The following TUBGCP3 variants were observed in gnomAD, a reference collection of about 807,000 sequenced individuals.
The protein encoded by TUBGCP3 is gamma-tubulin complex component 3.
Under a neutral mutation model 123.1 loss-of-function variants are expected in TUBGCP3, and 50 were observed. That is an observed-to-expected ratio of 0.41 (90% CI 0.32 to 0.51). TUBGCP3 has a LOEUF of 0.51. TUBGCP3 is among the 20% of genes least tolerant of loss of function. The probability of loss-of-function intolerance (pLI) is 0.36; values close to 1 mark genes in which losing one functional copy is unlikely to be tolerated. For missense variants in TUBGCP3, 882 were observed against 1,127.0 expected (o/e 0.78, Z 3.11); for synonymous variants, 405 against 413.9 (o/e 0.98, Z 0.26).
chr13:112,545,621 G>A lies in TUBGCP3; in HGVS notation c.1335+78C>T. On this transcript the variant is annotated intron_variant, in intron 11 of 21. Coordinates refer to ENST00000261965, the MANE Select transcript of TUBGCP3 (RefSeq NM_006322.6). The surrounding 1 kb of genome is among the most constrained non-coding windows in gnomAD (Gnocchi z 4.1). ...CCTGTTAGGAGAACATGGTAATCATGAGGGGAAAAATGAAACAGCATAACT... is the reference window on the plus strand; with the variant it reads ...CCTGTTAGGAGAACATGGTAATCATAAGGGGAAAAATGAAACAGCATAACT... The A allele has an allele frequency of 6.5e-7, 1 of 1,529,328 alleles. No homozygotes were observed. 94.7% of individuals were successfully genotyped at this position (1,529,328 alleles called of 1,614,324 possible).
At chr13:112,498,958 A>C (rs1483728136) in intron 20 of TUBGCP3, 87 bp downstream of exon 20, 4 of 1,614,218 alleles carry the variant, frequency 2.5e-6, no homozygotes, top group Admixed American at 1.7e-5. Flanking sequence ...TTTTGGCAAG[A>C]AAGTTATTTG....
At chr13:112,505,261 G>A (rs1881214469) in intron 17 of TUBGCP3, among the ~76,000 whole-genome samples, 1 of 152,226 alleles carries the variant, frequency 6.6e-6, no homozygotes, top group Admixed American at 6.5e-5. Context: ...TCACCACAGA[G>A]CACAGTTCTC....
chr13:112,523,784 G>A lies in TUBGCP3; in HGVS notation c.1556-1275C>T, dbSNP rs745340945. Among the ~76,000 whole-genome samples, 17 of 152,250 alleles carry A rather than the reference G, an allele frequency of 1.1e-4. No homozygotes were observed. The East Asian group carries it at 1.3e-3, about 12-fold the overall frequency. On this transcript the variant is annotated intron_variant, in intron 13 of 21. Transcript: ENST00000261965. Reference sequence around the variant, plus strand: ...CTCCTTCAGGGTTGAGGCATCTCTCGTGCTCAGTTTTTAAATTTTCACTAT... The same window carrying A: ...CTCCTTCAGGGTTGAGGCATCTCTCATGCTCAGTTTTTAAATTTTCACTAT...
At chr13:112,517,935 T>G (rs186395271) in intron 16 of TUBGCP3, among the ~76,000 whole-genome samples, 1 of 152,304 alleles carries the variant, frequency 6.6e-6, no homozygotes, top group Admixed American at 6.5e-5. Context: ...AATATCACAC[T>G]GCTTTTTGCA....
chr13:112,494,715 A>T (rs902619371), intron 20 of TUBGCP3, among the ~76,000 whole-genome samples: 3 of 152,186 alleles, frequency 2.0e-5, no homozygotes, highest in Non-Finnish European at 4.4e-5. Context: ...TTTTCTTCAC[A>T]TCCTCGCCAG....
At chr13:112,538,753 T>C (rs974701110) in intron 11 of TUBGCP3, among the ~76,000 whole-genome samples, 3 of 152,224 alleles carry the variant, frequency 2.0e-5, no homozygotes, top group African/African-American at 7.2e-5. Context: ...AAAGCTCACT[T>C]ATAACTATTT....
chr13:112,547,574 A>AAGTCGCGCGTGGGAG, intron 10 of TUBGCP3, 46 bp downstream of exon 10: 1 of 1,429,596 alleles, frequency 7.0e-7, no homozygotes, highest in Admixed American at 2.5e-5. Context: ...GCGCGTGGGA[A>AAGTCGCGCGTGGGAG]AGTCGCGCGT....
Position 112,543,942 on chromosome 13 carries a change from C to T in TUBGCP3, c.1335+1757G>A, listed in dbSNP as rs147981257. Among the ~76,000 whole-genome samples the T allele has an allele frequency of 5.3e-3, 812 of 152,174 alleles. 3 individuals are homozygous for T. Among genetic ancestry groups the T allele is most frequent in the Non-Finnish European group, 7.7e-3 (525 of 68,018 alleles). Reference sequence around the variant, plus strand: ...GAAATAAAAAAATAACCTATAAGCACGAAAAGCTGGTCAGTCTCACTAGTA... The same window carrying T: ...GAAATAAAAAAATAACCTATAAGCATGAAAAGCTGGTCAGTCTCACTAGTA... On this transcript the variant is annotated intron_variant, in intron 11 of 21. Coordinates refer to ENST00000261965, the MANE Select transcript of TUBGCP3 (RefSeq NM_006322.6).
At position 112,527,437 on chromosome 13, in the gene TUBGCP3, G is replaced by A. The variant is rs748908368; in HGVS notation, c.1383C>T (p.His461=). 2.5e-5 allele frequency: 40 copies of A among 1,609,576 alleles called. No homozygotes were observed. The East Asian group carries it at 4.0e-4, about 16-fold the overall frequency. Residue 461 remains histidine, a synonymous_variant, in exon 12 of 22, where the codon CAC becomes CAT. Coordinates refer to ENST00000261965, the MANE Select transcript of TUBGCP3 (RefSeq NM_006322.6). ...TCGATTTCCTCAAAGTATACTTGTC[G>A]TGCCACAGTCGATCTGTTTTAACTG... ...DPTVKTDRLW[H]DKYTLRKSMI...
chr13:112,597,743 G>A, the TUBGCP3 span, among the ~76,000 whole-genome samples: 2 of 151,860 alleles, frequency 1.3e-5, 1 homozygote, highest in Non-Finnish European at 2.9e-5. Context: ...GTGACATGAA[G>A]AAAACAGACA....
At chr13:112,577,632 C>T (rs1016417770) in intron 1 of TUBGCP3, among the ~76,000 whole-genome samples, 1 of 152,096 alleles carries the variant, frequency 6.6e-6, no homozygotes, top group Admixed American at 6.5e-5. Flanking sequence ...ACTAGTGTAT[C>T]ATTATTAATT....
intron 11 of TUBGCP3, among the ~76,000 whole-genome samples, chr13:112,534,509 T>C (rs1414357158): frequency 6.6e-6 from 1 of 152,054 alleles, no homozygotes; most frequent in African/African-American, 2.4e-5. Context: ...ATCGCACCAC[T>C]GCACTCCAGC....
intron 17 of TUBGCP3, among the ~76,000 whole-genome samples, chr13:112,514,560 C>T (rs1358509614): frequency 6.6e-6 from 1 of 152,192 alleles, no homozygotes; most frequent in Non-Finnish European, 1.5e-5. Flanking sequence ...TTGAAATGAA[C>T]TTCCATTTTC....
intron 11 of TUBGCP3, among the ~76,000 whole-genome samples, chr13:112,534,420 G>A (rs1419114522): frequency 1.3e-5 from 2 of 152,202 alleles, no homozygotes; most frequent in East Asian, 1.9e-4. Context: ...GTGGCAAGGC[G>A]CCTGTGGTCC....
At chr13:112,512,747 A>G (rs1340024503) in intron 17 of TUBGCP3, among the ~76,000 whole-genome samples, 1 of 152,142 alleles carries the variant, frequency 6.6e-6, no homozygotes, top group African/African-American at 2.4e-5. Context: ...AAAAAAGGTA[A>G]ACGTAAATCT....
At chr13:112,490,388 C>A (rs1006258749) in intron 20 of TUBGCP3, among the ~76,000 whole-genome samples, 1 of 152,020 alleles carries the variant, frequency 6.6e-6, no homozygotes, top group Non-Finnish European at 1.5e-5. Flanking sequence ...CCCAGGTAGC[C>A]GGGATTACAG....
At position 112,545,926 on chromosome 13, in the gene TUBGCP3, G is replaced by C; in HGVS notation, c.1169-61C>G. On this transcript the variant is annotated intron_variant, in intron 10 of 21. Transcript: ENST00000261965. The surrounding 1 kb of genome is among the most constrained non-coding windows in gnomAD (Gnocchi z 4.1). ...ACATTTACACTCATAGTACACACCA[G>C]TCACTTCTCACCAACCAAAGACGCC... 6.4e-7 allele frequency: 1 copy of C among 1,558,526 alleles called. No individual in the cohort carries two copies. Among genetic ancestry groups the C allele is most frequent in the South Asian group, 1.1e-5 (1 of 87,156 alleles).
intron 7 of TUBGCP3, 127 bp from the exon 8 acceptor site, chr13:112,554,309 T>A: frequency 8.8e-7 from 1 of 1,139,442 alleles, no homozygotes; most frequent in Non-Finnish European, 1.2e-6. Context: ...AAGTTAAAAC[T>A]AAGATCCCAT....
intron 13 of TUBGCP3, 62 bp from the exon 14 acceptor site, chr13:112,522,571 A>C: frequency 6.6e-7 from 1 of 1,525,142 alleles, no homozygotes; most frequent in Non-Finnish European, 9.0e-7. Flanking sequence ...ACAGAGGAGA[A>C]ATGAAGGCAC....
Sources: allele counts gnomAD v4.1 joint callset (sites outside exome capture counted in the v4.1 genomes callset), GRCh38; gene constraint gnomAD v4.1.1; non-coding constraint Gnocchi (gnomAD v3.1); transcripts MANE v1.5; gene names NCBI Gene and HGNC (gene_info 2026-07-23, HGNC 2026-07-21).